The following AK6 variants were observed in gnomAD, a reference collection of about 807,000 sequenced individuals.
AK6 encodes adenylate kinase 6, also known as adenylate kinase isoenzyme 6.
AK6 carries 24 observed loss-of-function variants against 23.7 expected under a neutral mutation model. That is an observed-to-expected ratio of 1.01 (90% CI 0.73 to 1.43). The LOEUF is 1.43. AK6 is among the 40% of genes most tolerant of loss of function. The pLI is 0.00. For missense variants in AK6, 191 were observed against 199.1 expected, an observed-to-expected ratio of 0.96 and a Z score of 0.24; for synonymous variants, 73 against 69.8, an observed-to-expected ratio of 1.05 and a Z score of -0.23.
At chr5:69,352,699 G>A (rs188774653) in intron 4 of AK6, among the ~76,000 whole-genome samples, 1 of 152,326 alleles carries the variant, frequency 6.6e-6, no homozygotes. Flanking sequence ...ATTACAATGA[G>A]ATATTACTTC....
intron 2 of AK6, 70 bp from the exon 3 acceptor site, chr5:69,356,023 A>G: frequency 5.3e-6 from 7 of 1,320,390 alleles, no homozygotes; most frequent in Non-Finnish European, 7.4e-6. Context: ...AATTAATTCT[A>G]GACTTCAGGA....
upstream of AK6, chr5:69,369,803 G>A: frequency 7.9e-7 from 1 of 1,264,128 alleles, no homozygotes; most frequent in South Asian, 1.4e-5. Flanking sequence ...CAGTCTGGAA[G>A]GTCCCCGGGA....
At chr5:69,369,768 G>A (rs1762802553), upstream of AK6, 2 of 1,465,066 alleles carry the variant, frequency 1.4e-6, no homozygotes, top group African/African-American at 1.4e-5. Flanking sequence ...TCCTTCGGTG[G>A]TCCCCGCCCT....
At chr5:69,359,869 T>C (rs1157684384) in intron 2 of AK6, among the ~76,000 whole-genome samples, 1 of 152,232 alleles carries the variant, frequency 6.6e-6, no homozygotes, top group Non-Finnish European at 1.5e-5. Flanking sequence ...ATACCTGGCT[T>C]TTTATGCGAA....
intron 2 of AK6, among the ~76,000 whole-genome samples, chr5:69,363,854 G>A (rs1206837827): frequency 3.9e-5 from 6 of 152,000 alleles, no homozygotes; most frequent in South Asian, 4.1e-4. Flanking sequence ...CTGGGAGGCC[G>A]AGGTGGGCAG....
chr5:69,354,830 T>TC (rs1174530571), intron 4 of AK6, among the ~76,000 whole-genome samples: 2 of 152,270 alleles, frequency 1.3e-5, no homozygotes, highest in East Asian at 3.9e-4. Flanking sequence ...AAATAGGGTT[T>TC]CTTTTTTTTG....
At chr5:69,363,115 C>T (rs1447133308) in intron 2 of AK6, among the ~76,000 whole-genome samples, 1 of 152,030 alleles carries the variant, frequency 6.6e-6, no homozygotes, top group African/African-American at 2.4e-5. Context: ...GTAGTCCCAG[C>T]TACAAGGGAG....
At chr5:69,353,926 C>T (rs1014609648) in intron 4 of AK6, among the ~76,000 whole-genome samples, 6 of 103,204 alleles carry the variant, frequency 5.8e-5, no homozygotes, top group African/African-American at 1.9e-4. Context: ...CATGCCACCA[C>T]ACTTGGCTAA....
At chr5:69,359,621 T>C (rs1458773558) in intron 2 of AK6, among the ~76,000 whole-genome samples, 1 of 152,226 alleles carries the variant, frequency 6.6e-6, no homozygotes, top group Non-Finnish European at 1.5e-5. Context: ...TGTAAAATCA[T>C]GACATTATGT....
upstream of AK6, chr5:69,369,536 G>C (rs1251688243): frequency 6.8e-6 from 11 of 1,611,084 alleles, no homozygotes; most frequent in Non-Finnish European, 9.3e-6. Context: ...CGTGCCCTTT[G>C]CTCTACAGGG....
Position 69,351,950 on chromosome 5 carries a change from C to A in AK6, c.*111G>T, listed in dbSNP as rs1338240107. 5.7e-6 allele frequency: 5 copies of A among 875,156 alleles called. No homozygotes were observed. The allele number at this position is 875,156 out of a possible 1,614,324, so 54.2% of individuals were successfully genotyped here. ...AGGCATAAACCTATATACTATCCAC[C>A]TGCTGGTTCTGCAACATGATTTTAA... On this transcript the variant is annotated 3_prime_UTR_variant, in exon 5 of 5. Transcript: ENST00000380822.
At chr5:69,369,577 G>C (rs1329143363), upstream of AK6, 3 of 1,604,618 alleles carry the variant, frequency 1.9e-6, no homozygotes, top group South Asian at 1.1e-5. Flanking sequence ...GGCAGCAAAA[G>C]CCCACGGCCC....
chr5:69,369,447 G>A lies in AK6; in HGVS notation c.28+16C>T, dbSNP rs757971990. ...AGCCTGCCCCAGCCCAGTCCCTCCCGGCCGCGCGCCCTGACCGGTGAGCAG... is the reference window on the plus strand; with the variant it reads ...AGCCTGCCCCAGCCCAGTCCCTCCCAGCCGCGCGCCCTGACCGGTGAGCAG... On this transcript the variant is annotated intron_variant, in intron 1 of 4. Transcript: ENST00000380822. 1.2e-6 allele frequency: 2 copies of A among 1,609,948 alleles called. No homozygotes were observed. The highest frequency in any genetic ancestry group is 2.2e-5 in the East Asian group (1 of 44,738).
At chr5:69,364,428 C>A (rs1158764835) in intron 2 of AK6, among the ~76,000 whole-genome samples, 2 of 151,924 alleles carry the variant, frequency 1.3e-5, no homozygotes, top group Admixed American at 6.6e-5. Context: ...AAAATGGGAC[C>A]TAGGAAGTTG....
intron 4 of AK6, among the ~76,000 whole-genome samples, chr5:69,354,926 C>A (rs187299434): frequency 6.6e-6 from 1 of 152,110 alleles, no homozygotes; most frequent in African/African-American, 2.4e-5. Context: ...CCCAGGTTCA[C>A]GTCGTTCTCC....
chr5:69,368,272 AC>A (rs1209060436), intron 1 of AK6, among the ~76,000 whole-genome samples: 5 of 152,234 alleles, frequency 3.3e-5, no homozygotes, highest in Non-Finnish European at 5.9e-5. Context: ...TATTAAAATT[AC>A]ATTTCAAGAT....
chr5:69,365,570 A>T, intron 2 of AK6: 1 of 1,614,070 alleles, frequency 6.2e-7, no homozygotes, highest in South Asian at 1.1e-5. Context: ...GGCTTGAATA[A>T]ATTTTTGCAT....
Position 69,360,995 on chromosome 5 carries a change from T to C in AK6, c.122-5042A>G, listed in dbSNP as rs73113042. On this transcript the variant is annotated intron_variant, in intron 2 of 4. Transcript: ENST00000380822. ...TCTAGACCTATGGGTATTCTGCAGT[T>C]AGGAACAGAGGCCGAAGACCGAAAA... 5.3e-3 allele frequency among the ~76,000 whole-genome samples: 809 copies of C among 152,262 alleles called. 8 individuals carry two copies. The highest frequency in any genetic ancestry group is 0.018 in the African/African-American group (750 of 41,536).
intron 1 of AK6, 160 bp from the exon 2 acceptor site, chr5:69,366,755 C>A (rs1762444735): frequency 1.6e-6 from 1 of 612,766 alleles, no homozygotes; most frequent in Non-Finnish European, 2.9e-6. Flanking sequence ...AATTAGCAAT[C>A]ATATGTAAAA....
Sources: gnomAD v4.1 joint callset for allele counts (sites outside exome capture counted in the v4.1 genomes callset) on GRCh38, gnomAD v4.1.1 for gene constraint, MANE v1.5 for transcripts, NCBI Gene and HGNC (gene_info 2026-07-23, HGNC 2026-07-21) for gene names.